Variants in ADSS1 observed in about 807,000 individuals in gnomAD.
The protein encoded by ADSS1 is adenylosuccinate synthetase isozyme 1.
ADSS1 carries 57 observed loss-of-function variants against 59.1 expected under a neutral mutation model. The observed-to-expected ratio is 0.97, with a 90% confidence interval of 0.78 to 1.20. The LOEUF (loss-of-function observed/expected upper bound fraction) is 1.20, where lower values mean the gene tolerates loss of function less well. Among genes scored for constraint, ADSS1 ranks in the 50% most tolerant of loss-of-function variants. ADSS1 has a pLI of 0.00. For synonymous variants in ADSS1, 247 were observed against 249.4 expected (o/e 0.99, Z 0.09); for missense variants, 603 against 610.3 (o/e 0.99, Z 0.13).
In ADSS1 at chr14:104,724,462, G is replaced by A. The variant is rs776829558; in HGVS notation, c.192G>A (p.Gln64=). Residue 64 remains glutamine, a splice_region_variant and synonymous_variant, in exon 1 of 13, where the codon CAG becomes CAA. Coordinates refer to ENST00000330877, the MANE Select transcript of ADSS1 (RefSeq NM_152328.5). ...ACGCCGACATCATCAGCCGCTGCCA[G>A]GTGCGGGCTGGGGCGCCGGGTCCCT... ...ATDADIISRC[Q]GGNNAGHTVV... is the part of the protein sequence containing the mutation. The A allele has an allele frequency of 8.0e-7, 1 of 1,245,610 alleles. No homozygotes were observed. Among genetic ancestry groups the A allele is most frequent in the African/African-American group, 1.5e-5 (1 of 64,964 alleles). 77.2% of individuals were successfully genotyped at this position (1,245,610 alleles called of 1,614,324 possible). A position where few individuals can be genotyped will look rare whatever the true frequency, so the allele number is the denominator to read the frequency against.
At chr14:104,741,093 C>A in intron 7 of ADSS1, 24 bp from the exon 8 acceptor site, 1 of 1,590,070 alleles carries the variant, frequency 6.3e-7, no homozygotes, top group South Asian at 1.1e-5. Context: ...CAGGCTCACT[C>A]TGCTGCTTGG....
chr14:104,741,730 G>A lies in ADSS1; in HGVS notation c.794-118G>A. ...GACAGGCCAGGCTGGCGACCCCACG[G>A]AGGGGGCCCCCCACGGTTTGAACTG... On this transcript the variant is annotated intron_variant, in intron 8 of 12. Coordinates refer to ENST00000330877, the MANE Select transcript of ADSS1 (RefSeq NM_152328.5). 3.6e-6 allele frequency: 5 copies of A among 1,384,266 alleles called. No individual in the cohort carries two copies. In the South Asian group the frequency reaches 5.4e-5, roughly 15 times the overall value. 85.7% of individuals were successfully genotyped at this position (1,384,266 alleles called of 1,614,324 possible).
intron 1 of ADSS1, among the ~76,000 whole-genome samples, chr14:104,728,166 G>A (rs1258450886): frequency 6.6e-6 from 1 of 152,212 alleles, no homozygotes; most frequent in Admixed American, 6.5e-5. Context: ...CCCTTTCCAA[G>A]GGGCCATCAG....
rs1343543917 is a variant in ADSS1 at position 104,724,322 on chromosome 14, A to C, written c.52A>C (p.Lys18Gln). The change falls in exon 1 of 13, where the codon AAG (lysine) becomes CAG (glutamine). Residue 18 changes from lysine (K) to glutamine (Q), a missense_variant. Lys to Gln is a moderately conservative substitution (Grantham distance 53, BLOSUM62 1). Coordinates refer to ENST00000330877, the MANE Select transcript of ADSS1 (RefSeq NM_152328.5). ...NDRPPGAGGVKRGRLQQEAAA... is the reference protein window; with the variant it reads ...NDRPPGAGGVQRGRLQQEAAA... ...CCGGCCCCCCGGCGCAGGCGGCGTC[A>C]AGCGGGGGCGGCTGCAGCAGGAGGC... The C allele has an allele frequency of 1.5e-5, 19 of 1,237,906 alleles. No individual in the cohort carries two copies. Among genetic ancestry groups the C allele is most frequent in the Non-Finnish European group, 1.9e-5 (19 of 988,094 alleles). 76.7% of individuals were successfully genotyped at this position (1,237,906 alleles called of 1,614,324 possible). A position where few individuals can be genotyped will look rare whatever the true frequency, so the allele number is the denominator to read the frequency against.
At chr14:104,741,638 T>C (rs1433133156) in intron 8 of ADSS1, among the ~76,000 whole-genome samples, 4 of 152,096 alleles carry the variant, frequency 2.6e-5, no homozygotes, top group African/African-American at 9.7e-5. Flanking sequence ...TTCTCCCTCC[T>C]CTCACCCCAG....
At position 104,734,904 on chromosome 14, in the gene ADSS1, C is replaced by T. The variant is rs569683126; in HGVS notation, c.193-116C>T. The T allele has an allele frequency of 3.6e-5, 30 of 835,466 alleles. 1 individual carries two copies. The South Asian group carries it at 4.3e-4, about 12-fold the overall frequency. The allele number at this position is 835,466 out of a possible 1,614,324, so 51.8% of individuals were successfully genotyped here. On this transcript the variant is annotated intron_variant, in intron 1 of 12. Transcript: ENST00000330877. ...CAGAGCTGGCCACCAAACCAGACAC[C>T]CCAAAATCCAACAGCAGTGCCCTGC...
At position 104,743,181 on chromosome 14, in the gene ADSS1, G is replaced by A. The variant is rs763401084; in HGVS notation, c.1063G>A (p.Gly355Arg). Residue 355 changes from glycine (G) to arginine (R), a missense_variant, in exon 10 of 13, where the codon GGA becomes AGA. Coordinates refer to ENST00000330877, the MANE Select transcript of ADSS1 (RefSeq NM_152328.5). ...MILRYAHMVNGFTALALTKLD... is the reference protein window; with the variant it reads ...MILRYAHMVNRFTALALTKLD... ...TCTAAGATATGCTCACATGGTCAAC[G>A]GATTCACTGCGTAAGCAACCCATGC... 9 of 1,611,058 alleles carry A rather than the reference G, an allele frequency of 5.6e-6. No individual in the cohort carries two copies. Among genetic ancestry groups the A allele is most frequent in the Middle Eastern group, 1.7e-4 (1 of 6,058 alleles).
At position 104,743,136 on chromosome 14, in the gene ADSS1, G is replaced by A. The variant is rs989698681; in HGVS notation, c.1018G>A (p.Gly340Ser). ...GACCACAGGCAGGAAGAGGCGCTGC[G>A]GCTGGCTCGACCTGATGATTCTAAG... ...GVTTGRKRRC[G>S]WLDLMILRYA... is the part of the protein sequence containing the mutation. The change falls in exon 10 of 13, where the codon GGC becomes AGC. Residue 340 changes from glycine (G) to serine (S), a missense_variant. Transcript: ENST00000330877. 1.7e-5 allele frequency: 28 copies of A among 1,612,688 alleles called. No individual in the cohort carries two copies. Among genetic ancestry groups the A allele is most frequent in the Non-Finnish European group, 1.9e-5 (23 of 1,180,018 alleles).
chr14:104,725,109 A>G (rs931017277), intron 1 of ADSS1, among the ~76,000 whole-genome samples: 23 of 152,170 alleles, frequency 1.5e-4, no homozygotes, highest in African/African-American at 5.5e-4. Flanking sequence ...ACTTCTGGCC[A>G]GGGTGACCCC....
intron 8 of ADSS1, 55 bp downstream of exon 8, chr14:104,741,298 C>A: frequency 6.6e-7 from 1 of 1,512,374 alleles, no homozygotes; most frequent in Non-Finnish European, 8.9e-7. Context: ...CAGGGAAGAC[C>A]CAGCTGCGGA....
chr14:104,738,348 G>C, intron 2 of ADSS1, 28 bp from the exon 3 acceptor site: 1 of 1,612,694 alleles, frequency 6.2e-7, no homozygotes, highest in Non-Finnish European at 8.5e-7. Flanking sequence ...ACACAACTCT[G>C]TCTCTCATGC....
At chr14:104,729,902 A>G in intron 1 of ADSS1, 1 of 1,526,032 alleles carries the variant, frequency 6.6e-7, no homozygotes. Context: ...CATGGTGGGG[A>G]GGAGCTGTGG....
chr14:104,741,110 C>G lies in ADSS1; in HGVS notation c.667-7C>G, dbSNP rs370851579. On this transcript the variant is annotated splice_region_variant and splice_polypyrimidine_tract_variant and intron_variant, in intron 7 of 12. Coordinates refer to ENST00000330877, the MANE Select transcript of ADSS1 (RefSeq NM_152328.5). ...GGCTCACTCTGCTGCTTGGCCCTTC[C>G]TTGCAGGGCTTTGCTGAGCGGATCA... is the stretch of plus-strand genomic sequence containing the variant. 2.3e-4 allele frequency: 364 copies of G among 1,594,778 alleles called. 3 individuals are homozygous for G. The African/African-American group carries it at 4.1e-3, about 18-fold the overall frequency.
intron 2 of ADSS1, chr14:104,738,173 T>C: frequency 2.3e-6 from 1 of 428,344 alleles, no homozygotes; most frequent in Non-Finnish European, 4.3e-6. Flanking sequence ...ATTTTTTGTA[T>C]TTTTACTAGA....
chr14:104,741,066 T>C, intron 7 of ADSS1, 51 bp from the exon 8 acceptor site: 1 of 1,583,300 alleles, frequency 6.3e-7, no homozygotes, highest in East Asian at 2.2e-5. Context: ...GACGCAGGCC[T>C]CCCCTGCCCC....
rs200478879 is a variant in ADSS1, at chr14:104,746,430, C to A, written c.1321+45C>A. ...AGCCACCCTCCCTGCACCCTGGATGCCCCAAGGGGCCCACATCCCAGCGCA... is the reference window on the plus strand; with the variant it reads ...AGCCACCCTCCCTGCACCCTGGATGACCCAAGGGGCCCACATCCCAGCGCA... On this transcript the variant is annotated intron_variant, in intron 12 of 12. Coordinates refer to ENST00000330877, the MANE Select transcript of ADSS1 (RefSeq NM_152328.5). 747 of 1,578,514 alleles carry A rather than the reference C, an allele frequency of 4.7e-4. 1 individual carries two copies. Among genetic ancestry groups the A allele is most frequent in the Non-Finnish European group, 6.0e-4 (692 of 1,157,864 alleles).
In ADSS1 at chr14:104,735,016, C is replaced by A; in HGVS notation, c.193-4C>A. On this transcript the variant is annotated splice_polypyrimidine_tract_variant and splice_region_variant and intron_variant, in intron 1 of 12. Coordinates refer to ENST00000330877, the MANE Select transcript of ADSS1 (RefSeq NM_152328.5). ...CCTTCAGCTCAGCCGGGTTTCTGTT[C>A]CAGGGGGGCAACAACGCCGGCCACA... is the stretch of plus-strand genomic sequence containing the variant. 6.2e-7 allele frequency: 1 copy of A among 1,612,556 alleles called. No individual in the cohort carries two copies.
rs369145808 is a variant in ADSS1, at chr14:104,740,945, G to A, written c.666+25G>A. ...GGTGAAGTCGGGGCCGCAGTGTGGG[G>A]GCTGCGGAAGTGCTCCTCCAGGGAG... is the stretch of plus-strand genomic sequence containing the variant. On this transcript the variant is annotated intron_variant, in intron 7 of 12. Coordinates refer to ENST00000330877, the MANE Select transcript of ADSS1 (RefSeq NM_152328.5). This position sits in a 1 kb window ranked among gnomAD's most constrained non-coding sequence, Gnocchi z 4.8. 4 of 1,613,432 alleles carry A rather than the reference G, an allele frequency of 2.5e-6. No homozygotes were observed. Among genetic ancestry groups the A allele is most frequent in the East Asian group, 2.2e-5 (1 of 44,896 alleles).
intron 1 of ADSS1, among the ~76,000 whole-genome samples, chr14:104,726,495 C>T (rs1890721216): frequency 6.6e-6 from 1 of 152,222 alleles, no homozygotes; most frequent in Admixed American, 6.5e-5. Context: ...CCCATCTCTC[C>T]TCCTAGCGGT....
Sources: gnomAD v4.1 joint callset for allele counts (sites outside exome capture counted in the v4.1 genomes callset) on GRCh38, gnomAD v4.1.1 for gene constraint, Gnocchi (gnomAD v3.1) non-coding constraint, MANE v1.5 for transcripts, NCBI Gene and HGNC (gene_info 2026-07-23, HGNC 2026-07-21) for gene names.